The following WDR43 variants were observed in gnomAD, a reference collection of about 807,000 sequenced individuals.
WDR43 encodes WD repeat-containing protein 43.
WDR43 carries 13 observed loss-of-function variants against 91.4 expected under a neutral mutation model. The observed-to-expected ratio is 0.14, with a 90% confidence interval of 0.09 to 0.23. The LOEUF (loss-of-function observed/expected upper bound fraction) is 0.23, where lower values mean the gene tolerates loss of function less well. Among genes scored for constraint, WDR43 ranks in the 10% least tolerant of loss-of-function variants. The pLI, the probability that WDR43 is intolerant of heterozygous loss-of-function variation, is 1.00. For synonymous variants in WDR43, 331 were observed against 287.9 expected (o/e 1.15, Z -1.51); for missense variants, 780 against 809.4 (o/e 0.96, Z 0.44).
chr2:28,900,038 T>A (rs1670550001), intron 1 of WDR43, among the ~76,000 whole-genome samples: 1 of 152,222 alleles, frequency 6.6e-6, no homozygotes, highest in Non-Finnish European at 1.5e-5. Flanking sequence ...TGTAAATTTC[T>A]AAAATTTCTT....
At chr2:28,898,940 A>G (rs1670531159) in intron 1 of WDR43, among the ~76,000 whole-genome samples, 1 of 152,168 alleles carries the variant, frequency 6.6e-6, no homozygotes, top group Non-Finnish European at 1.5e-5. Flanking sequence ...TGCTTTTATA[A>G]ATTATGCACA....
chr2:28,938,386 T>C (rs1671373542), intron 14 of WDR43, among the ~76,000 whole-genome samples: 2 of 152,132 alleles, frequency 1.3e-5, no homozygotes, highest in South Asian at 4.1e-4. Flanking sequence ...ATGTAGTTAA[T>C]GGTAACAGTA....
intron 11 of WDR43, among the ~76,000 whole-genome samples, chr2:28,934,973 C>A (rs1053020650): frequency 7.2e-5 from 11 of 152,078 alleles, no homozygotes; most frequent in African/African-American, 2.7e-4. Context: ...AGGACCGGAA[C>A]TGATCTGCTC....
At chr2:28,895,099 C>G (rs1429963325) in intron 1 of WDR43, 176 bp downstream of exon 1, 1 of 555,354 alleles carries the variant, frequency 1.8e-6, no homozygotes, top group Non-Finnish European at 2.7e-6. Flanking sequence ...TGCGGCCTGC[C>G]GCGAGGGCAG....
At chr2:28,898,288 G>A (rs1157909601) in intron 1 of WDR43, among the ~76,000 whole-genome samples, 1 of 152,180 alleles carries the variant, frequency 6.6e-6, no homozygotes, top group East Asian at 1.9e-4. Flanking sequence ...CATTGGACAG[G>A]GTGTCTGAGT....
chr2:28,932,726 A>G (rs1332411698), intron 11 of WDR43, among the ~76,000 whole-genome samples: 1 of 152,234 alleles, frequency 6.6e-6, no homozygotes, highest in Non-Finnish European at 1.5e-5. Flanking sequence ...TCTGTCATAG[A>G]AAACCTGACA....
At chr2:28,895,856 C>T (rs934998607) in intron 1 of WDR43, 1 of 152,070 alleles carries the variant, frequency 6.6e-6, no homozygotes, top group African/African-American at 2.4e-5. Flanking sequence ...CATCAGGTAT[C>T]CTGAGGTGTG....
At chr2:28,923,058 T>A in intron 7 of WDR43, 75 bp downstream of exon 7, 1 of 1,266,992 alleles carries the variant, frequency 7.9e-7, no homozygotes, top group Non-Finnish European at 1.1e-6. Context: ...CCCACCTGGT[T>A]ATTCTTTGCA....
intron 15 of WDR43, among the ~76,000 whole-genome samples, chr2:28,941,922 G>A (rs1671444861): frequency 6.6e-6 from 1 of 152,100 alleles, no homozygotes; most frequent in Non-Finnish European, 1.5e-5. Flanking sequence ...GTAAGAAATT[G>A]GTAAATCAGG....
At chr2:28,910,693 A>G (rs1670779416) in intron 3 of WDR43, among the ~76,000 whole-genome samples, 1 of 148,386 alleles carries the variant, frequency 6.7e-6, no homozygotes, top group Non-Finnish European at 1.5e-5. Flanking sequence ...ATATATATAT[A>G]TAATTATTAT....
At chr2:28,902,760 A>G (rs1037704589) in intron 2 of WDR43, among the ~76,000 whole-genome samples, 8 of 152,336 alleles carry the variant, frequency 5.3e-5, no homozygotes, top group African/African-American at 1.9e-4. Context: ...GGTAGAACCT[A>G]TGGATCGAGC....
At chr2:28,927,883 A>C (rs1671172051) in intron 10 of WDR43, 183 bp downstream of exon 10, 1 of 933,536 alleles carries the variant, frequency 1.1e-6, no homozygotes, top group Non-Finnish European at 1.5e-6. Flanking sequence ...TCTTTGTTTA[A>C]CAGAGAAGAT....
At chr2:28,905,335 T>C (rs1374566575) in intron 2 of WDR43, among the ~76,000 whole-genome samples, 1 of 152,216 alleles carries the variant, frequency 6.6e-6, no homozygotes, top group Non-Finnish European at 1.5e-5. Context: ...ATGGGAAACA[T>C]GAATGAGCTC....
intron 16 of WDR43, among the ~76,000 whole-genome samples, 173 bp downstream of exon 16, chr2:28,942,554 A>G (rs1240127334): frequency 6.6e-6 from 1 of 152,208 alleles, no homozygotes; most frequent in Admixed American, 6.5e-5. Context: ...TAAGAAAAGA[A>G]AAGGCACAAG....
At chr2:28,935,636 T>C in intron 12 of WDR43, 29 bp downstream of exon 12, 1 of 1,469,458 alleles carries the variant, frequency 6.8e-7, no homozygotes, top group Non-Finnish European at 9.2e-7. Flanking sequence ...CATTTCAGCA[T>C]CCTAATGCCA....
chr2:28,930,123 G>A (rs1454029680), intron 11 of WDR43: 1 of 471,268 alleles, frequency 2.1e-6, no homozygotes, highest in Non-Finnish European at 4.4e-6. Context: ...CGTGAGAGGG[G>A]GCAGTGAGGT....
intron 2 of WDR43, 72 bp from the exon 3 acceptor site, chr2:28,906,388 G>A (rs1439901346): frequency 4.2e-6 from 6 of 1,431,958 alleles, no homozygotes; most frequent in South Asian, 4.1e-5. Context: ...TTGGGAGAGC[G>A]AGGAAGGAGG....
chr2:28,930,099 T>G (rs1264675426), intron 11 of WDR43: 1 of 471,874 alleles, frequency 2.1e-6, no homozygotes, highest in East Asian at 6.9e-5. Context: ...TCCAGAAACT[T>G]ATTTCCCCCT....
In WDR43 at chr2:28,946,800, C is replaced by G. The variant is rs767586382; in HGVS notation, c.*21C>G. 5.1e-6 allele frequency: 8 copies of G among 1,556,908 alleles called. No individual in the cohort carries two copies. Among genetic ancestry groups the G allele is most frequent in the Non-Finnish European group, 6.9e-6 (8 of 1,155,054 alleles). On this transcript the variant is annotated 3_prime_UTR_variant, in exon 18 of 18. Coordinates refer to ENST00000407426, the MANE Select transcript of WDR43 (RefSeq NM_015131.3). The stretch of plus-strand genomic sequence containing the variant: ...AATGAAGACAGCAAAGCAAGCCGGT[C>G]AAACTATATAAACTCTGGCTCACCT...
Sources: allele counts gnomAD v4.1 joint callset (sites outside exome capture counted in the v4.1 genomes callset), GRCh38; gene constraint gnomAD v4.1.1; transcripts MANE v1.5; gene names NCBI Gene and HGNC (gene_info 2026-07-23, HGNC 2026-07-21).